The following CEP120 variants were observed in gnomAD, a reference collection of about 807,000 sequenced individuals.
The protein encoded by CEP120 is centrosomal protein of 120 kDa.
CEP120 carries 113 observed loss-of-function variants against 126.5 expected under a neutral mutation model. The ratio of observed to expected loss-of-function variants is 0.89; its 90% CI spans 0.77 to 1.04. The LOEUF (loss-of-function observed/expected upper bound fraction) is 1.04, where lower values mean the gene tolerates loss of function less well. CEP120 is among the 50% of genes least tolerant of loss of function. CEP120 has a pLI of 0.00. For synonymous variants in CEP120, 400 were observed against 394.3 expected (o/e 1.01, Z -0.17); for missense variants, 1,230 against 1,155.7 (o/e 1.06, Z -0.93).
intron 1 of CEP120, chr5:123,422,595 C>G (rs763458862): frequency 4.6e-5 from 68 of 1,480,832 alleles, no homozygotes; most frequent in Non-Finnish European, 6.1e-5. Context: ...AGTCAAAGCT[C>G]TTACAAGTGC....
chr5:123,400,453 TCTCA>T (rs1026124669), intron 4 of CEP120, among the ~76,000 whole-genome samples: 2 of 152,074 alleles, frequency 1.3e-5, no homozygotes, highest in Non-Finnish European at 2.9e-5. Context: ...TATGACATGT[TCTCA>T]CTGACAGGGA....
chr5:123,372,871 T>G, intron 16 of CEP120, 99 bp from the exon 17 acceptor site: 2 of 918,036 alleles, frequency 2.2e-6, no homozygotes. Context: ...TTCTACAGCA[T>G]GCTCATAGTA....
At chr5:123,401,964 T>A in intron 4 of CEP120, 1 of 1,596,384 alleles carries the variant, frequency 6.3e-7, no homozygotes, top group Non-Finnish European at 8.5e-7. Context: ...CTTCTGCTGC[T>A]GCAGGAGGCT....
At position 123,369,749 on chromosome 5, in the gene CEP120, T is replaced by A. The variant is rs183846885; in HGVS notation, c.2481+2901A>T. ...TGGTATCTATTCCTGACAGGCCACC[T>A]ACATTGCCACATTCAATGACATCAC... On this transcript the variant is annotated intron_variant, in intron 17 of 19. Transcript: ENST00000306467. Among the ~76,000 whole-genome samples the A allele has an allele frequency of 1.5e-3, 225 of 152,190 alleles. 1 individual carries two copies. Among genetic ancestry groups the A allele is most frequent in the African/African-American group, 5.3e-3 (220 of 41,550 alleles).
At chr5:123,403,576 GTTA>G (rs1337206133) in intron 4 of CEP120, 1 of 322,792 alleles carries the variant, frequency 3.1e-6, no homozygotes, top group African/African-American at 2.2e-5. Context: ...CCACAAAAGA[GTTA>G]TTAATTACAA....
At chr5:123,377,731 C>A (rs1160708354) in intron 15 of CEP120, among the ~76,000 whole-genome samples, 196 bp from the exon 16 acceptor site, 1 of 152,066 alleles carries the variant, frequency 6.6e-6, no homozygotes, top group Non-Finnish European at 1.5e-5. Flanking sequence ...CTATTATACA[C>A]ACATATAAAA....
chr5:123,375,975 A>G (rs1771187655), intron 16 of CEP120, among the ~76,000 whole-genome samples: 1 of 150,636 alleles, frequency 6.6e-6, no homozygotes, highest in African/African-American at 2.4e-5. Context: ...GATAAGCTTA[A>G]TTTTTAACAG....
chr5:123,347,786 T>C (rs1417854324), intron 19 of CEP120, among the ~76,000 whole-genome samples: 4 of 152,090 alleles, frequency 2.6e-5, no homozygotes, highest in East Asian at 1.9e-4. Flanking sequence ...GCTGGGACTA[T>C]AGGCCATGCC....
chr5:123,404,352 C>T (rs1773503079), intron 4 of CEP120, among the ~76,000 whole-genome samples: 1 of 152,172 alleles, frequency 6.6e-6, no homozygotes, highest in South Asian at 2.1e-4. Context: ...ATTTAACCAT[C>T]TCTTGGGTTT....
At chr5:123,396,174 T>C (rs967050938) in intron 5 of CEP120, among the ~76,000 whole-genome samples, 2 of 152,142 alleles carry the variant, frequency 1.3e-5, no homozygotes, top group African/African-American at 4.8e-5. Context: ...TGTATAGATA[T>C]GCCAAAGTTT....
chr5:123,352,093 G>C (rs2126970525), intron 18 of CEP120, among the ~76,000 whole-genome samples: 1 of 152,020 alleles, frequency 6.6e-6, no homozygotes, highest in Non-Finnish European at 1.5e-5. Flanking sequence ...ATGACATTTA[G>C]GTATCTTTGT....
At chr5:123,409,058 A>G (rs1773874680) in intron 4 of CEP120, among the ~76,000 whole-genome samples, 1 of 152,192 alleles carries the variant, frequency 6.6e-6, no homozygotes. Flanking sequence ...GGTTTTTAGA[A>G]AGAAAAATAA....
rs568380657 is a variant in CEP120 at position 123,416,570 on chromosome 5, C to CAAAAAT, written c.207-452_207-447dup. ...TGGGTGACAGATCAAGACTCCATCTCAAAAATAAAAATAAAAATAAAAATA... is the reference window on the plus strand; with the variant it reads ...TGGGTGACAGATCAAGACTCCATCTCAAAAATAAAAATAAAAATAAAAATAAAAATA... On this transcript the variant is annotated intron_variant, in intron 2 of 19. Transcript: ENST00000306467. Among the ~76,000 whole-genome samples, 220 of 150,610 alleles carry CAAAAAT rather than the reference C, an allele frequency of 1.5e-3. 1 individual carries two copies. Among genetic ancestry groups the CAAAAAT allele is most frequent in the African/African-American group, 5.1e-3 (212 of 41,292 alleles).
chr5:123,379,052 C>A (rs1186987061), intron 14 of CEP120, among the ~76,000 whole-genome samples: 1 of 151,710 alleles, frequency 6.6e-6, no homozygotes, highest in African/African-American at 2.4e-5. Flanking sequence ...AAAATATAGT[C>A]AAAGAAGCCA....
intron 3 of CEP120, 45 bp downstream of exon 3, chr5:123,415,965 C>T (rs749161961): frequency 1.9e-5 from 24 of 1,236,080 alleles, no homozygotes; most frequent in South Asian, 1.6e-4. Flanking sequence ...TGAAAATAAT[C>T]GACTGTCTAA....
intron 18 of CEP120, among the ~76,000 whole-genome samples, chr5:123,361,964 T>C (rs952699531): frequency 2.6e-5 from 4 of 151,754 alleles, no homozygotes; most frequent in Non-Finnish European, 5.9e-5. Flanking sequence ...CTAGCTCTCT[T>C]GACTCCAGGG....
intron 18 of CEP120, among the ~76,000 whole-genome samples, chr5:123,351,446 T>G (rs952333312): frequency 1.3e-5 from 2 of 152,182 alleles, no homozygotes; most frequent in Admixed American, 6.5e-5. Context: ...TTTTGAATTA[T>G]AAATAATGGT....
chr5:123,355,254 A>G (rs779298197), intron 18 of CEP120, among the ~76,000 whole-genome samples: 21 of 152,186 alleles, frequency 1.4e-4, no homozygotes, highest in Non-Finnish European at 2.5e-4. Flanking sequence ...ATACGTGTGC[A>G]TATGTCTTTA....
intron 18 of CEP120, among the ~76,000 whole-genome samples, chr5:123,356,660 A>T (rs2407776): frequency 6.6e-6 from 1 of 151,766 alleles, no homozygotes; most frequent in South Asian, 2.1e-4. Context: ...AATCATTTTT[A>T]ACTCTTTTTT....
Sources: gnomAD v4.1 joint callset for allele counts (sites outside exome capture counted in the v4.1 genomes callset) on GRCh38, gnomAD v4.1.1 for gene constraint, MANE v1.5 for transcripts, NCBI Gene and HGNC (gene_info 2026-07-23, HGNC 2026-07-21) for gene names.